Variants in ROBO1 observed in about 807,000 individuals in gnomAD.
The protein encoded by ROBO1 is roundabout homolog 1.
A neutral mutation model predicts 195.9 loss-of-function variants in ROBO1; 149 were observed. That is an observed-to-expected ratio of 0.76 (90% CI 0.67 to 0.87). The LOEUF (loss-of-function observed/expected upper bound fraction) is 0.87. ROBO1 is among the 40% of genes least tolerant of loss of function. The pLI is 0.00. For synonymous variants in ROBO1, 816 were observed against 733.2 expected, an observed-to-expected ratio of 1.11 and a Z score of -1.82; for missense variants, 1,933 against 2,068.3, an observed-to-expected ratio of 0.93 and a Z score of 1.27.
chr3:79,364,246 A>G (rs929647327), intron 2 of ROBO1, among the ~76,000 whole-genome samples: 5 of 147,234 alleles, frequency 3.4e-5, no homozygotes, highest in Admixed American at 1.4e-4. Flanking sequence ...GTATATATAT[A>G]TATATACATA....
intron 2 of ROBO1, among the ~76,000 whole-genome samples, chr3:79,204,958 CTTTT>C (rs2081839268): frequency 6.7e-6 from 1 of 149,830 alleles, no homozygotes; most frequent in Non-Finnish European, 1.5e-5. Context: ...CGCTTCCTTT[CTTTT>C]TGACTTGGAG....
rs750158094 is a variant in ROBO1 at position 78,963,494 on chromosome 3, GTTTTTTTTTT to G, written c.173-24577_173-24568del. On this transcript the variant is annotated intron_variant, in intron 3 of 30. Coordinates refer to ENST00000464233, the MANE Select transcript of ROBO1 (RefSeq NM_002941.4). ...GAGAAGATCCAGAGGAAAACCTTCA[GTTTTTTTTTT>G]TTTTTTTTTTTTTTTTCTTTTTTTT... 4.1e-3 allele frequency among the ~76,000 whole-genome samples: 294 copies of G among 72,330 alleles called. 3 individuals are homozygous for G. Among genetic ancestry groups the G allele is most frequent in the African/African-American group, 0.017 (279 of 16,000 alleles). 47.5% of individuals were successfully genotyped at this position (72,330 alleles called of 152,430 possible). A position where few individuals can be genotyped will look rare whatever the true frequency, so the allele number is the denominator to read the frequency against.
At chr3:78,694,557 G>C (rs1373244155) in intron 8 of ROBO1, among the ~76,000 whole-genome samples, 1 of 152,040 alleles carries the variant, frequency 6.6e-6, no homozygotes, top group African/African-American at 2.4e-5. Flanking sequence ...ACAAAACTAA[G>C]CATAATTTTT....
At chr3:79,511,336 T>G (rs1449067049) in intron 2 of ROBO1, among the ~76,000 whole-genome samples, 2 of 152,212 alleles carry the variant, frequency 1.3e-5, no homozygotes, top group African/African-American at 4.8e-5. Context: ...TTTTTCAGAT[T>G]AAATAAGATA....
chr3:79,151,444 T>A (rs184999495), intron 2 of ROBO1, among the ~76,000 whole-genome samples: 1 of 151,872 alleles, frequency 6.6e-6, no homozygotes, highest in Admixed American at 6.6e-5. Flanking sequence ...TACTTCTCTA[T>A]CTGCCACTAT....
At chr3:78,973,499 A>G (rs979314703) in intron 3 of ROBO1, among the ~76,000 whole-genome samples, 4 of 145,766 alleles carry the variant, frequency 2.7e-5, no homozygotes, top group Non-Finnish European at 6.0e-5. Flanking sequence ...ATAAGAAGCT[A>G]TATATATATT....
chr3:79,491,774 T>C (rs1251225194), intron 2 of ROBO1, among the ~76,000 whole-genome samples: 1 of 148,708 alleles, frequency 6.7e-6, no homozygotes, highest in African/African-American at 2.5e-5. Flanking sequence ...GAAAATGATT[T>C]AATCTGACTT....
chr3:79,657,142 T>C (rs1290667328), intron 1 of ROBO1, among the ~76,000 whole-genome samples: 1 of 152,092 alleles, frequency 6.6e-6, no homozygotes, highest in Non-Finnish European at 1.5e-5. Flanking sequence ...GTTATAAAAC[T>C]ACCTTATAAA....
chr3:78,606,655 A>G, intron 29 of ROBO1, 78 bp downstream of exon 29: 3 of 1,404,374 alleles, frequency 2.1e-6, no homozygotes, highest in Non-Finnish European at 2.0e-6. Flanking sequence ...CACTTTTTAC[A>G]TGGCCATATA....
At chr3:79,502,430 C>T (rs1277506025) in intron 2 of ROBO1, among the ~76,000 whole-genome samples, 1 of 152,148 alleles carries the variant, frequency 6.6e-6, no homozygotes, top group Non-Finnish European at 1.5e-5. Flanking sequence ...TCTCGCCGGG[C>T]CTTAGCTGCC....
At chr3:79,359,461 T>C (rs1338520724) in intron 2 of ROBO1, among the ~76,000 whole-genome samples, 1 of 152,084 alleles carries the variant, frequency 6.6e-6, no homozygotes, top group Non-Finnish European at 1.5e-5. Flanking sequence ...AGAGGCACCA[T>C]ACTTGGTATC....
intron 1 of ROBO1, among the ~76,000 whole-genome samples, chr3:79,683,556 A>G (rs1947011412): frequency 6.6e-6 from 1 of 152,094 alleles, no homozygotes; most frequent in South Asian, 2.1e-4. Flanking sequence ...CATGTTTATC[A>G]CTACAAACAA....
At chr3:78,605,661 G>A (rs573220733) in intron 29 of ROBO1, among the ~76,000 whole-genome samples, 11 of 151,960 alleles carry the variant, frequency 7.2e-5, no homozygotes, top group Admixed American at 3.9e-4. Context: ...CTAAATTTTC[G>A]TTGGATTTTT....
chr3:79,141,928 G>T (rs1031220981), intron 2 of ROBO1, among the ~76,000 whole-genome samples: 1 of 151,086 alleles, frequency 6.6e-6, no homozygotes, highest in Admixed American at 6.6e-5. Flanking sequence ...GTTTTCCTGC[G>T]TATTATTTGT....
intron 4 of ROBO1, among the ~76,000 whole-genome samples, chr3:78,912,719 G>A (rs536491905): frequency 1.5e-4 from 23 of 152,224 alleles, no homozygotes; most frequent in African/African-American, 4.8e-4. Flanking sequence ...TTTCAAAGCC[G>A]TAGAAAGTTC....
chr3:79,196,689 G>A (rs990573187), intron 2 of ROBO1, among the ~76,000 whole-genome samples: 10 of 151,728 alleles, frequency 6.6e-5, no homozygotes, highest in African/African-American at 1.5e-4. Flanking sequence ...AACTGCTAAC[G>A]ATCAATCTGC....
At chr3:78,964,839 T>A (rs374884209) in intron 3 of ROBO1, among the ~76,000 whole-genome samples, 1 of 151,222 alleles carries the variant, frequency 6.6e-6, no homozygotes, top group African/African-American at 2.4e-5. Flanking sequence ...CTGTGTTTCA[T>A]TTGAAACCTT....
chr3:79,502,023 C>A (rs973037581), intron 2 of ROBO1, among the ~76,000 whole-genome samples: 1 of 152,172 alleles, frequency 6.6e-6, no homozygotes, highest in Non-Finnish European at 1.5e-5. Context: ...AAAGCTTAGG[C>A]CTTTCCTTAC....
chr3:79,211,170 T>G (rs1485826605), intron 2 of ROBO1, among the ~76,000 whole-genome samples: 4 of 152,070 alleles, frequency 2.6e-5, no homozygotes, highest in Admixed American at 6.6e-5. Context: ...ACAAGTTTTT[T>G]TATTATTATG....
Sources: gnomAD v4.1 joint callset for allele counts (sites outside exome capture counted in the v4.1 genomes callset) on GRCh38, gnomAD v4.1.1 for gene constraint, MANE v1.5 for transcripts, NCBI Gene and HGNC (gene_info 2026-07-23, HGNC 2026-07-21) for gene names.